PIWIL2: variants seen among roughly 807,000 people sequenced by gnomAD.
PIWIL2 encodes piwi like RNA-mediated gene silencing 2.
Under a neutral mutation model 116.5 loss-of-function variants are expected in PIWIL2, and 81 were observed. The observed-to-expected ratio is 0.70, with a 90% confidence interval of 0.58 to 0.84. The LOEUF (loss-of-function observed/expected upper bound fraction) is 0.84, where lower values mean the gene tolerates loss of function less well. PIWIL2 is among the 40% of genes least tolerant of loss of function. The pLI, the probability that PIWIL2 is intolerant of heterozygous loss-of-function variation, is 0.00. For missense variants in PIWIL2, 1,272 were observed against 1,212.3 expected, an observed-to-expected ratio of 1.05 and a Z score of -0.73; for synonymous variants, 489 against 429.5, an observed-to-expected ratio of 1.14 and a Z score of -1.71.
At chr8:22,291,363 C>G (rs1295047158) in intron 10 of PIWIL2, among the ~76,000 whole-genome samples, 1 of 151,964 alleles carries the variant, frequency 6.6e-6, no homozygotes, top group East Asian at 1.9e-4. Flanking sequence ...GTTTCCCAGG[C>G]TCGTCTTGAA....
At chr8:22,289,202 T>C (rs1401170045) in intron 8 of PIWIL2, among the ~76,000 whole-genome samples, 2 of 151,050 alleles carry the variant, frequency 1.3e-5, no homozygotes, top group East Asian at 1.9e-4. Flanking sequence ...CGCCAGGCTG[T>C]AGTGCAGTGG....
chr8:22,351,161 AATT>A (rs1832344775), intron 20 of PIWIL2, among the ~76,000 whole-genome samples: 3 of 150,798 alleles, frequency 2.0e-5, no homozygotes, highest in African/African-American at 7.4e-5. Context: ...AAAAAAAAAT[AATT>A]AATTAATTAA....
At chr8:22,348,967 C>A (rs1297407700) in intron 20 of PIWIL2, among the ~76,000 whole-genome samples, 2 of 152,020 alleles carry the variant, frequency 1.3e-5, no homozygotes, top group African/African-American at 4.8e-5. Flanking sequence ...GTGCCTTGAA[C>A]TCAGTGGTTA....
At chr8:22,281,354 T>A (rs768911764) in intron 3 of PIWIL2, 23 bp from the exon 4 acceptor site, 3 of 1,601,708 alleles carry the variant, frequency 1.9e-6, no homozygotes, top group Non-Finnish European at 2.5e-6. Flanking sequence ...TAGTCATTGC[T>A]GGGGTTCGGT....
intron 20 of PIWIL2, among the ~76,000 whole-genome samples, chr8:22,350,460 G>A (rs1175195754): frequency 6.6e-6 from 1 of 152,058 alleles, no homozygotes; most frequent in Non-Finnish European, 1.5e-5. Context: ...GCTAGGCATG[G>A]TGACACAAAC....
rs772830119 is a variant in PIWIL2, at chr8:22,354,353, A to T, written c.2740A>T (p.Asn914Tyr). 7 of 1,612,064 alleles carry T rather than the reference A, an allele frequency of 4.3e-6. No homozygotes were observed. The highest frequency in any genetic ancestry group is 5.9e-6 in the Non-Finnish European group (7 of 1,178,310). The part of the protein sequence containing the change: ...THYVCVLNTA[N>Y]LSPDHMQRLT... ...TTATGTCTGTGTTCTCAACACCGCA[A>T]ACCTGAGCCCTGATCATATGCAGAG... Residue 914 changes from asparagine to tyrosine, a missense_variant, in exon 22 of 23, where the codon AAC becomes TAC. Physicochemically the swap from Asn to Tyr is moderately radical, Grantham distance 143. Coordinates refer to ENST00000356766, the MANE Select transcript of PIWIL2 (RefSeq NM_018068.5).
intron 4 of PIWIL2, among the ~76,000 whole-genome samples, chr8:22,282,244 CTTTTTTTTTTTTTTTTT>C (rs34130038): frequency 3.0e-5 from 1 of 33,570 alleles, no homozygotes; most frequent in Non-Finnish European, 5.4e-5. Flanking sequence ...CCACACCCGG[CTTTTTTTTTTTTTTTTT>C]TTTTTTTTTT....
At chr8:22,301,055 C>T (rs997460207) in intron 10 of PIWIL2, among the ~76,000 whole-genome samples, 5 of 151,964 alleles carry the variant, frequency 3.3e-5, no homozygotes, top group African/African-American at 1.2e-4. Context: ...TCACATCTCA[C>T]TGCAGCCTTG....
In PIWIL2 at chr8:22,283,036, C is replaced by T. The variant is rs752372698; in HGVS notation, c.428C>T (p.Thr143Met). The change falls in exon 5 of 23, where the codon ACG (threonine) becomes ATG (methionine). Residue 143 changes from threonine (T) to methionine (M), a missense_variant and splice_region_variant. Physicochemically the swap from Thr to Met is moderately conservative, Grantham distance 81. Coordinates refer to ENST00000356766, the MANE Select transcript of PIWIL2 (RefSeq NM_018068.5). ...TTGCCTCTCTCTCCACATTTCAGGA[C>T]GCTTGGAAGAGGGAGTTCAGATGCG... ...MAETSVGWSR[T>M]LGRGSSDASL... 33 of 1,613,092 alleles carry T rather than the reference C, an allele frequency of 2.0e-5. No individual in the cohort carries two copies. The highest frequency in any genetic ancestry group is 3.3e-4 in the Middle Eastern group (2 of 6,078).
At chr8:22,285,315 C>T (rs1830605267) in intron 6 of PIWIL2, among the ~76,000 whole-genome samples, 1 of 152,196 alleles carries the variant, frequency 6.6e-6, no homozygotes. Context: ...TGAGTGAGAT[C>T]AGATGGTATT....
rs185238224 is a variant in PIWIL2, at chr8:22,348,354, G to A, written c.2404-4605G>A. On this transcript the variant is annotated intron_variant, in intron 20 of 22. Coordinates refer to ENST00000356766, the MANE Select transcript of PIWIL2 (RefSeq NM_018068.5). ...TAAGTGCAGTGGCTCATATCTAGTG[G>A]ATGTGAAGTATTTGTTCCGTGAATG... 5.1e-4 allele frequency among the ~76,000 whole-genome samples: 77 copies of A among 152,198 alleles called. 1 individual carries two copies. Among genetic ancestry groups the A allele is most frequent in the African/African-American group, 1.8e-3 (76 of 41,528 alleles).
Position 22,281,363 on chromosome 8 carries a change from G to T in PIWIL2, c.287-14G>T. 6.2e-7 allele frequency: 1 copy of T among 1,605,922 alleles called. No individual in the cohort carries two copies. ...AAGTCATAGTCATTGCTGGGGTTCG[G>T]TTCTTTCTTTCAGGTAGAGGCATTT... On this transcript the variant is annotated splice_polypyrimidine_tract_variant and intron_variant, in intron 3 of 22. Coordinates refer to ENST00000356766, the MANE Select transcript of PIWIL2 (RefSeq NM_018068.5).
Position 22,316,302 on chromosome 8 carries a change from T to C in PIWIL2, c.2266T>C (p.Ser756Pro). Residue 756 changes from serine to proline, a missense_variant, in exon 19 of 23, where the codon TCC (serine) becomes CCC (proline). By Grantham distance (74) the Ser-to-Pro change is moderately conservative. Coordinates refer to ENST00000356766, the MANE Select transcript of PIWIL2 (RefSeq NM_018068.5). ...CCATGACCCCAGTAGAGGCATGCGC[T>C]CCGTGGTTGGCTTCGTGGCAAGCAT... is the stretch of plus-strand genomic sequence containing the variant. Reference protein sequence around the residue: ...VYHDPSRGMRSVVGFVASINL... With the variant: ...VYHDPSRGMRPVVGFVASINL... 1 of 1,612,868 alleles carries C rather than the reference T, an allele frequency of 6.2e-7. No individual in the cohort carries two copies. The highest frequency in any genetic ancestry group is 8.5e-7 in the Non-Finnish European group (1 of 1,178,866).
chr8:22,330,736 AT>A (rs1831840164), intron 20 of PIWIL2, among the ~76,000 whole-genome samples: 7 of 143,256 alleles, frequency 4.9e-5, no homozygotes, highest in Non-Finnish European at 8.9e-5. Context: ...AAATAAATAA[AT>A]AAATAAAAAT....
Position 22,281,409 on chromosome 8 carries a change from A to C in PIWIL2, c.319A>C (p.Asn107His), listed in dbSNP as rs1830497508. 1 of 1,608,496 alleles carries C rather than the reference A, an allele frequency of 6.2e-7. No individual in the cohort carries two copies. Among genetic ancestry groups the C allele is most frequent in the South Asian group, 1.1e-5 (1 of 89,814 alleles). ...RGILGRGLSA[N>H]LVRKDREELS... Reference sequence around the variant, plus strand: ...CATTTTAGGTCGAGGCTTGTCTGCTAATCTGGTACGCAAGGACAGGGAGGA... The same window carrying C: ...CATTTTAGGTCGAGGCTTGTCTGCTCATCTGGTACGCAAGGACAGGGAGGA... Residue 107 changes from asparagine (N) to histidine (H), a missense_variant, in exon 4 of 23, where the codon AAT becomes CAT. By Grantham distance (68) the Asn-to-His change is moderately conservative. Transcript: ENST00000356766.
At position 22,315,319 on chromosome 8, in the gene PIWIL2, GT is replaced by G. The variant is rs1441395291; in HGVS notation, c.2208+180del. Among the ~76,000 whole-genome samples, 3 of 152,062 alleles carry G rather than the reference GT, an allele frequency of 2.0e-5. No homozygotes were observed. The East Asian group carries it at 5.8e-4, about 29-fold the overall frequency. ...TGGGTTTTATGTTTGTTTGTTTTTTGTTTTTTGTGTTTTTGAGACGGATTCT... is the reference window on the plus strand; with the variant it reads ...TGGGTTTTATGTTTGTTTGTTTTTTGTTTTTGTGTTTTTGAGACGGATTCT... On this transcript the variant is annotated intron_variant, in intron 18 of 22. Coordinates refer to ENST00000356766, the MANE Select transcript of PIWIL2 (RefSeq NM_018068.5).
intron 20 of PIWIL2, among the ~76,000 whole-genome samples, chr8:22,348,288 A>G (rs1038533347): frequency 4.6e-5 from 7 of 152,140 alleles, no homozygotes; most frequent in Non-Finnish European, 1.5e-5. Context: ...TGACTGAGCG[A>G]GACTCCATCT....
chr8:22,310,133 G>A (rs1179566443), intron 15 of PIWIL2, 59 bp downstream of exon 15: 4 of 898,532 alleles, frequency 4.5e-6, no homozygotes, highest in Non-Finnish European at 7.3e-6. Context: ...GTGGGAATTA[G>A]GAAGCAGGAA....
chr8:22,303,942 C>A (rs745398140), intron 10 of PIWIL2, 79 bp from the exon 11 acceptor site: 3 of 872,450 alleles, frequency 3.4e-6, no homozygotes, highest in Non-Finnish European at 5.3e-6. Context: ...TTAGATTCCT[C>A]AATTACTTGA....
Sources: gnomAD v4.1 joint callset for allele counts (sites outside exome capture counted in the v4.1 genomes callset) on GRCh38, gnomAD v4.1.1 for gene constraint, MANE v1.5 for transcripts, NCBI Gene and HGNC (gene_info 2026-07-23, HGNC 2026-07-21) for gene names.